The following IRS1 variants were observed in gnomAD, a reference collection of about 807,000 sequenced individuals.
IRS1 encodes insulin receptor substrate 1.
IRS1 carries 34 observed loss-of-function variants against 65.6 expected under a neutral mutation model. That is an observed-to-expected ratio of 0.52 (90% CI 0.39 to 0.69). The LOEUF is 0.69. Ranked by LOEUF, IRS1 falls within the 30% of genes least tolerant of loss-of-function variation. The probability of loss-of-function intolerance (pLI) is 0.00; values close to 1 mark genes in which losing one functional copy is unlikely to be tolerated. For synonymous variants in IRS1, 699 were observed against 683.5 expected, an observed-to-expected ratio of 1.02 and a Z score of -0.35; for missense variants, 1,641 against 1,720.2, an observed-to-expected ratio of 0.95 and a Z score of 0.81.
chr2:226,756,414 C>T (rs1348016848), intron 1 of IRS1, among the ~76,000 whole-genome samples: 1 of 152,080 alleles, frequency 6.6e-6, no homozygotes, highest in Non-Finnish European at 1.5e-5. Context: ...AAGTCAAAGT[C>T]TTGATATCCA....
chr2:226,767,838 G>T (rs1185003264), intron 1 of IRS1, among the ~76,000 whole-genome samples: 1 of 152,092 alleles, frequency 6.6e-6, no homozygotes, highest in Non-Finnish European at 1.5e-5. Context: ...AAACTCAAAG[G>T]CATGAGGAGT....
rs1048059836 is a variant in IRS1 at position 226,754,455 on chromosome 2, A to G, written c.*22-18205T>C. On this transcript the variant is annotated intron_variant, in intron 1 of 1. Transcript: ENST00000305123. ...GCGTTAATATGCATTATTTCATTTC[A>G]TTCTCGCCACGATCCTGAGACTGCA... Among the ~76,000 whole-genome samples, 4 of 152,230 alleles carry G rather than the reference A, an allele frequency of 2.6e-5. No homozygotes were observed. In the East Asian group the frequency reaches 5.8e-4, roughly 22 times the overall value.
At position 226,796,245 on chromosome 2, in the gene IRS1, G is replaced by C. The variant is rs1268345655; in HGVS notation, c.2494C>G (p.Pro832Ala). The change falls in exon 1 of 2, where the codon CCC becomes GCC. Residue 832 changes from proline to alanine, a missense_variant. Pro to Ala is a conservative substitution (Grantham distance 27). Around this residue, in one of 3 missense-constraint regions of IRS1, gnomAD observed 1,324 missense variants for 1,361.0 expected, o/e 0.97. Transcript: ENST00000305123. ...TGGGGCTGCAGAACCTGATGGTGGG[G>C]ATGTGGAAGGCTGGGCTCCAGCCTA... is the stretch of plus-strand genomic sequence containing the variant. The part of the protein sequence containing the change: ...GARLEPSLPH[P>A]HHQVLQPHLP... 5.6e-6 allele frequency: 9 copies of C among 1,613,404 alleles called. No homozygotes were observed. The highest frequency in any genetic ancestry group is 1.1e-5 in the South Asian group (1 of 91,092).
intron 1 of IRS1, among the ~76,000 whole-genome samples, chr2:226,779,047 G>A (rs1939330666): frequency 6.6e-6 from 1 of 152,192 alleles, no homozygotes; most frequent in Non-Finnish European, 1.5e-5. Flanking sequence ...TTAGGAGTAT[G>A]CCTGGTACTC....
In IRS1 at chr2:226,797,451, C is replaced by T; in HGVS notation, c.1288G>A (p.Glu430Lys). 1 of 1,613,622 alleles carries T rather than the reference C, an allele frequency of 6.2e-7. No homozygotes were observed. The highest frequency in any genetic ancestry group is 8.5e-7 in the Non-Finnish European group (1 of 1,179,964). ...AAATCGCAGGGACTGGAGCCATACT[C>T]ATCCGAGGAGATGAAACCGCCATCG... ...PSDGGFISSD[E>K]YGSSPCDFRS... Residue 430 changes from glutamate (E) to lysine (K), a missense_variant, in exon 1 of 2, where the codon GAG (glutamate) becomes AAG (lysine). This residue lies in a region of IRS1 where 1,324 missense variants were observed against 1,361.0 expected (regional missense o/e 0.97). Coordinates refer to ENST00000305123, the MANE Select transcript of IRS1 (RefSeq NM_005544.3). This position sits in a 1 kb window ranked among gnomAD's most constrained non-coding sequence, Gnocchi z 8.1.
At position 226,736,131 on chromosome 2, in the gene IRS1, T is replaced by C. The variant is rs1213164287; in HGVS notation, c.*141A>G. ...GATAAAGTAAACAAACTGAAATGGA[T>C]GCATCGTACCATCTACTGATGAGGA... On this transcript the variant is annotated 3_prime_UTR_variant, in exon 2 of 2. Transcript: ENST00000305123. 1 of 152,532 alleles carries C rather than the reference T, an allele frequency of 6.6e-6. No individual in the cohort carries two copies. The highest frequency in any genetic ancestry group is 1.5e-5 in the Non-Finnish European group (1 of 68,030). The allele number at this position is 152,532 out of a possible 1,614,324, so 9.4% of individuals were successfully genotyped here.
At chr2:226,744,195 C>T (rs1319834131) in intron 1 of IRS1, among the ~76,000 whole-genome samples, 1 of 152,154 alleles carries the variant, frequency 6.6e-6, no homozygotes, top group African/African-American at 2.4e-5. Flanking sequence ...GTGGGAAAAC[C>T]TGTGTTTAAT....
intron 1 of IRS1, among the ~76,000 whole-genome samples, chr2:226,768,214 G>C (rs1217777144): frequency 6.6e-6 from 1 of 152,118 alleles, no homozygotes; most frequent in African/African-American, 2.4e-5. Flanking sequence ...TATCAAAAAT[G>C]GCCCACCCTA....
chr2:226,749,971 C>T (rs929519735), intron 1 of IRS1, among the ~76,000 whole-genome samples: 5 of 152,032 alleles, frequency 3.3e-5, no homozygotes, highest in Admixed American at 6.6e-5. Flanking sequence ...AATGAGTGGC[C>T]GAGAGTCGTG....
intron 1 of IRS1, among the ~76,000 whole-genome samples, chr2:226,764,281 T>C (rs1035474949): frequency 2.0e-5 from 3 of 152,096 alleles, no homozygotes; most frequent in East Asian, 3.9e-4. Flanking sequence ...CAGTGGCTCA[T>C]ATCTGTAATC....
intron 1 of IRS1, among the ~76,000 whole-genome samples, chr2:226,742,713 G>GGAAAAAAAAAAAA (rs889878007): frequency 8.0e-5 from 10 of 124,596 alleles, no homozygotes; most frequent in African/African-American, 2.8e-4. Flanking sequence ...CACGCATTAT[G>GGAAAAAAAAAAAA]AAAAAAAAAA....
chr2:226,767,635 G>A (rs1042130436), intron 1 of IRS1, among the ~76,000 whole-genome samples: 14 of 152,324 alleles, frequency 9.2e-5, no homozygotes, highest in Middle Eastern at 3.4e-3. Flanking sequence ...GTGGCAATAC[G>A]CAAAGGGCCT....
Position 226,797,791 on chromosome 2 carries a change from C to G in IRS1, c.948G>C (p.Met316Ile). 1 of 1,597,256 alleles carries G rather than the reference C, an allele frequency of 6.3e-7. No homozygotes were observed. The highest frequency in any genetic ancestry group is 8.5e-7 in the Non-Finnish European group (1 of 1,173,624). Residue 316 changes from methionine (M) to isoleucine (I), a missense_variant, in exon 1 of 2, where the codon ATG becomes ATC. By Grantham distance (10) the Met-to-Ile change is conservative. This residue lies in a region of IRS1 where 1,324 missense variants were observed against 1,361.0 expected (regional missense o/e 0.97). Transcript: ENST00000305123. This position sits in a 1 kb window ranked among gnomAD's most constrained non-coding sequence, Gnocchi z 8.1. ...ESITATSPAS[M>I]VGGKPGSFRV... ...GGAAGGAGCCTGGCTTCCCGCCCACCATGCTGGCCGGGGAGGTGGCGGTGA... is the reference window on the plus strand; with the variant it reads ...GGAAGGAGCCTGGCTTCCCGCCCACGATGCTGGCCGGGGAGGTGGCGGTGA...
At chr2:226,776,883 G>T (rs1200049531) in intron 1 of IRS1, among the ~76,000 whole-genome samples, 3 of 152,162 alleles carry the variant, frequency 2.0e-5, no homozygotes, top group African/African-American at 7.2e-5. Flanking sequence ...TCCAGCCTGG[G>T]CAACACAGTG....
rs916393764 is a variant in IRS1, at chr2:226,797,472, C to T, written c.1267G>A (p.Gly423Ser). ...TACTCATCCGAGGAGATGAAACCGC[C>T]ATCGCTGGGGGAACCAGACACCGAA... ...SASVSGSPSD[G>S]GFISSDEYGS... The change falls in exon 1 of 2, where the codon GGC becomes AGC. Residue 423 changes from glycine (G) to serine (S), a missense_variant. This residue lies in a region of IRS1 where 1,324 missense variants were observed against 1,361.0 expected (regional missense o/e 0.97). Transcript: ENST00000305123. The surrounding 1 kb of genome is among the most constrained non-coding windows in gnomAD (Gnocchi z 8.1). 1 of 1,613,714 alleles carries T rather than the reference C, an allele frequency of 6.2e-7. No individual in the cohort carries two copies. Among genetic ancestry groups the T allele is most frequent in the Non-Finnish European group, 8.5e-7 (1 of 1,180,000 alleles).
Position 226,732,137 on chromosome 2 carries a change from C to T in IRS1, c.*4135G>A, listed in dbSNP as rs1455267964. The T allele has an allele frequency of 6.6e-6, 1 of 152,180 alleles. No individual in the cohort carries two copies. The highest frequency in any genetic ancestry group is 1.5e-5 in the Non-Finnish European group (1 of 68,050). 9.4% of individuals were successfully genotyped at this position (152,180 alleles called of 1,614,324 possible). ...ATTCCTCGAGTAGGGTTAAGCACCT[C>T]CAATATCATTCCACCTCCTCCCTGC... On this transcript the variant is annotated 3_prime_UTR_variant, in exon 2 of 2. Coordinates refer to ENST00000305123, the MANE Select transcript of IRS1 (RefSeq NM_005544.3).
intron 1 of IRS1, among the ~76,000 whole-genome samples, chr2:226,742,965 CT>C (rs1034795755): frequency 6.6e-6 from 1 of 152,118 alleles, no homozygotes; most frequent in Non-Finnish European, 1.5e-5. Flanking sequence ...ATTAATACAT[CT>C]TTTAAGCCAA....
At chr2:226,765,778 A>G (rs1939019221) in intron 1 of IRS1, among the ~76,000 whole-genome samples, 1 of 152,186 alleles carries the variant, frequency 6.6e-6, no homozygotes, top group Admixed American at 6.5e-5. Context: ...AGCTGAACAT[A>G]ACAGGAACCA....
chr2:226,774,348 G>C (rs1300895862), intron 1 of IRS1, among the ~76,000 whole-genome samples: 4 of 152,062 alleles, frequency 2.6e-5, no homozygotes, highest in Non-Finnish European at 4.4e-5. Flanking sequence ...GTTCCAAGGT[G>C]GTACATAACC....
Sources: gnomAD v4.1 joint callset for allele counts (sites outside exome capture counted in the v4.1 genomes callset) on GRCh38, gnomAD v4.1.1 for gene constraint, gnomAD v4.1.1 regional missense constraint, Gnocchi (gnomAD v3.1) non-coding constraint, MANE v1.5 for transcripts, NCBI Gene and HGNC (gene_info 2026-07-23, HGNC 2026-07-21) for gene names.